The following GSE1 variants were observed in gnomAD, a reference collection of about 807,000 sequenced individuals.
GSE1 encodes Gse1 coiled-coil protein, also known as genetic suppressor element 1.
GSE1 carries 32 observed loss-of-function variants against 112.6 expected under a neutral mutation model. The observed-to-expected ratio is 0.28, with a 90% CI of 0.21 to 0.38. The LOEUF (loss-of-function observed/expected upper bound fraction) is 0.38, where lower values mean the gene tolerates loss of function less well. Among genes scored for constraint, GSE1 ranks in the 10% least tolerant of loss-of-function variants. The pLI is 1.00. For synonymous variants in GSE1, 1,115 were observed against 735.6 expected (o/e 1.52, Z -8.35); for missense variants, 2,348 against 1,699.2 (o/e 1.38, Z -6.71).
intron 1 of GSE1, among the ~76,000 whole-genome samples, chr16:85,193,130 C>T (rs778984043): frequency 6.6e-6 from 1 of 152,140 alleles, no homozygotes; most frequent in African/African-American, 2.4e-5. Flanking sequence ...GTTTCCTTTT[C>T]TGGACTATTA....
At chr16:85,660,789 C>T (rs1417582714) in intron 8 of GSE1, among the ~76,000 whole-genome samples, 1 of 152,004 alleles carries the variant, frequency 6.6e-6, no homozygotes, top group Non-Finnish European at 1.5e-5. Context: ...CGCCACCATG[C>T]CTGGCTAATT....
intron 1 of GSE1, among the ~76,000 whole-genome samples, chr16:85,619,425 G>A (rs1282097778): frequency 6.6e-6 from 1 of 151,704 alleles, no homozygotes; most frequent in Non-Finnish European, 1.5e-5. Context: ...GGAGGCGGGA[G>A]GGGGGTGGGG....
At chr16:85,667,437 A>T (rs1458228923) in intron 13 of GSE1, among the ~76,000 whole-genome samples, 1 of 152,194 alleles carries the variant, frequency 6.6e-6, no homozygotes, top group Non-Finnish European at 1.5e-5. Context: ...GCCCTCTTGA[A>T]ACGGGGCACA....
chr16:85,301,239 C>A (rs1208927685), intron 1 of GSE1, among the ~76,000 whole-genome samples: 1 of 152,194 alleles, frequency 6.6e-6, no homozygotes, highest in Non-Finnish European at 1.5e-5. Flanking sequence ...ATTTTATGAG[C>A]CTTTTGGGCC....
chr16:85,659,430 G>A (rs2052247115), intron 8 of GSE1: 1 of 152,264 alleles, frequency 6.6e-6, no homozygotes, highest in Non-Finnish European at 1.5e-5. Flanking sequence ...AGGCTGAGAT[G>A]GGATGATCGC....
intron 2 of GSE1, among the ~76,000 whole-genome samples, chr16:85,637,543 T>A (rs960669568): frequency 1.3e-5 from 2 of 151,752 alleles, no homozygotes; most frequent in African/African-American, 4.9e-5. Flanking sequence ...CCCCCCTTGA[T>A]CGCGGCAGTG....
At chr16:85,299,169 C>T (rs1050583197) in intron 1 of GSE1, among the ~76,000 whole-genome samples, 1 of 152,156 alleles carries the variant, frequency 6.6e-6, no homozygotes, top group East Asian at 1.9e-4. Flanking sequence ...TTGTCTTTTT[C>T]GGGGAAAATA....
At chr16:85,573,821 C>A (rs1443327194) in intron 1 of GSE1, among the ~76,000 whole-genome samples, 1 of 152,180 alleles carries the variant, frequency 6.6e-6, no homozygotes, top group African/African-American at 2.4e-5. Context: ...TGAGTGTCCT[C>A]CCTGTGTTTC....
intron 1 of GSE1, among the ~76,000 whole-genome samples, chr16:85,589,924 T>C (rs1279298823): frequency 1.3e-5 from 2 of 152,042 alleles, no homozygotes; most frequent in African/African-American, 2.4e-5. Context: ...TGATTGAGCA[T>C]GAATGTGAAC....
chr16:85,578,567 A>G (rs1002378275), intron 1 of GSE1, among the ~76,000 whole-genome samples: 1 of 152,168 alleles, frequency 6.6e-6, no homozygotes, highest in African/African-American at 2.4e-5. Flanking sequence ...AGGGAGGAAC[A>G]AAAGCTTAAA....
intron 1 of GSE1, among the ~76,000 whole-genome samples, chr16:85,629,906 G>C (rs140284249): frequency 7.2e-5 from 11 of 152,314 alleles, no homozygotes; most frequent in Middle Eastern, 3.4e-3. Flanking sequence ...CAGCTCAGTG[G>C]CTTAAACACA....
At chr16:85,229,602 A>G (rs553288337) in intron 1 of GSE1, among the ~76,000 whole-genome samples, 1 of 152,352 alleles carries the variant, frequency 6.6e-6, no homozygotes, top group South Asian at 2.1e-4. Context: ...AACTTGCCTG[A>G]GGTCACACAG....
chr16:85,456,832 C>T (rs2049842202), intron 2 of GSE1, among the ~76,000 whole-genome samples: 1 of 152,096 alleles, frequency 6.6e-6, no homozygotes, highest in African/African-American at 2.4e-5. Flanking sequence ...GCCACACTCC[C>T]AAGCCCCGCC....
upstream of GSE1, among the ~76,000 whole-genome samples, chr16:85,609,928 G>C (rs1427886544): frequency 6.6e-6 from 1 of 152,214 alleles, no homozygotes; most frequent in South Asian, 2.1e-4. Flanking sequence ...AAAGTGCTGG[G>C]ATTACAGGCG....
At chr16:85,455,423 AAAG>A (rs1308363221) in intron 2 of GSE1, among the ~76,000 whole-genome samples, 1 of 152,166 alleles carries the variant, frequency 6.6e-6, no homozygotes, top group Non-Finnish European at 1.5e-5. Context: ...AAAGAAAAGA[AAAG>A]AAAAAAGAAA....
At chr16:85,358,871 A>G (rs1050596415) in intron 2 of GSE1, among the ~76,000 whole-genome samples, 1 of 152,178 alleles carries the variant, frequency 6.6e-6, no homozygotes, top group Non-Finnish European at 1.5e-5. Flanking sequence ...GCTCCTGATC[A>G]CAAAAGCCAG....
intron 2 of GSE1, among the ~76,000 whole-genome samples, chr16:85,447,281 G>T (rs1293056396): frequency 6.6e-6 from 1 of 152,154 alleles, no homozygotes; most frequent in African/African-American, 2.4e-5. Context: ...CCACTCTTTT[G>T]GCTACTCTGA....
intron 11 of GSE1, 188 bp from the exon 12 acceptor site, chr16:85,664,827 C>A (rs560756402): frequency 5.1e-6 from 3 of 586,850 alleles, no homozygotes; most frequent in African/African-American, 1.9e-5. Context: ...TAGTGGATGC[C>A]GAGAGCAATC....
chr16:85,359,745 G>A (rs780312147), intron 2 of GSE1, among the ~76,000 whole-genome samples: 2 of 152,200 alleles, frequency 1.3e-5, no homozygotes, highest in African/African-American at 2.4e-5. Context: ...GATGGGGCAC[G>A]AACCCCGACG....
Sources: allele counts gnomAD v4.1 joint callset (sites outside exome capture counted in the v4.1 genomes callset), GRCh38; gene constraint gnomAD v4.1.1; transcripts MANE v1.5; gene names NCBI Gene and HGNC (gene_info 2026-07-23, HGNC 2026-07-21).